GALNT13: variants seen among roughly 807,000 people sequenced by gnomAD.
The protein encoded by GALNT13 is UDP-GalNAc:polypeptide N-acetylgalactosaminyltransferase 13.
GALNT13 carries 28 observed loss-of-function variants against 64.2 expected under a neutral mutation model. That is an observed-to-expected ratio of 0.44 (90% CI 0.32 to 0.60). The LOEUF is 0.60. Among genes scored for constraint, GALNT13 ranks in the 20% least tolerant of loss-of-function variants. The pLI is 0.05. For missense variants in GALNT13, 577 were observed against 669.8 expected (o/e 0.86, Z 1.53); for synonymous variants, 214 against 224.6 (o/e 0.95, Z 0.42).
chr2:153,251,395 G>T, the GALNT13 span, among the ~76,000 whole-genome samples: 1 of 152,062 alleles, frequency 6.6e-6, no homozygotes, highest in Non-Finnish European at 1.5e-5. Flanking sequence ...TTGTCGTCTT[G>T]TTTTGATCCT....
chr2:154,372,099 A>T (rs1037558790), intron 9 of GALNT13, among the ~76,000 whole-genome samples: 1 of 152,118 alleles, frequency 6.6e-6, no homozygotes, highest in Non-Finnish European at 1.5e-5. Context: ...ATAGTACAGA[A>T]AGCTTTGAAG....
In GALNT13 at chr2:154,245,929, T is replaced by C. The variant is rs767003520; in HGVS notation, c.804T>C (p.Pro268=). 29 of 1,613,412 alleles carry C rather than the reference T, an allele frequency of 1.8e-5. No homozygotes were observed. The South Asian group carries it at 3.2e-4, about 18-fold the overall frequency. The change falls in exon 7 of 13, where the codon CCT becomes CCC. Residue 268 remains proline (P), a synonymous_variant. Coordinates refer to ENST00000392825, the MANE Select transcript of GALNT13 (RefSeq NM_052917.4). ...FNWKLNFRWY[P]VPQREMDRRK... ...GGAAACTGAATTTCCGCTGGTATCC[T>C]GTTCCCCAAAGAGAAATGGACAGGA...
chr2:153,893,086 T>G (rs1453184086), intron 1 of GALNT13, among the ~76,000 whole-genome samples: 1 of 152,072 alleles, frequency 6.6e-6, no homozygotes, highest in African/African-American at 2.4e-5. Flanking sequence ...GTACTCAAAA[T>G]AGCTGTCAGG....
intron 8 of GALNT13, among the ~76,000 whole-genome samples, chr2:154,276,223 G>T (rs1574001438): frequency 6.6e-6 from 1 of 151,124 alleles, no homozygotes. Context: ...TTTCTCTTTT[G>T]TTTTCTCTTT....
chr2:154,006,602 A>G (rs564353540), intron 3 of GALNT13, among the ~76,000 whole-genome samples: 19 of 152,338 alleles, frequency 1.2e-4, no homozygotes, highest in Middle Eastern at 3.4e-3. Context: ...GAGAACTACC[A>G]GAAAAACTGG....
At chr2:153,489,729 G>A in the GALNT13 span, among the ~76,000 whole-genome samples, 2 of 152,196 alleles carry the variant, frequency 1.3e-5, no homozygotes, top group African/African-American at 4.8e-5. Flanking sequence ...GGTAAGATCA[G>A]GTGTATACGA....
chr2:153,633,980 T>G, the GALNT13 span, among the ~76,000 whole-genome samples: 1 of 152,186 alleles, frequency 6.6e-6, no homozygotes, highest in African/African-American at 2.4e-5. Context: ...AAAAATCAAA[T>G]TAGCTACCTT....
chr2:154,008,869 G>C (rs1274379312), intron 3 of GALNT13, among the ~76,000 whole-genome samples: 1 of 152,094 alleles, frequency 6.6e-6, no homozygotes, highest in African/African-American at 2.4e-5. Context: ...TTGATTACAT[G>C]TATTTACTAT....
intron 3 of GALNT13, among the ~76,000 whole-genome samples, chr2:154,061,255 C>T (rs1700166642): frequency 6.6e-6 from 1 of 151,962 alleles, no homozygotes; most frequent in South Asian, 2.1e-4. Context: ...TCAGTTGAGG[C>T]GTTGGGCTGA....
At chr2:154,165,524 A>T (rs73005463) in intron 4 of GALNT13, among the ~76,000 whole-genome samples, 1 of 152,192 alleles carries the variant, frequency 6.6e-6, no homozygotes, top group Non-Finnish European at 1.5e-5. Context: ...TGGGAATTTA[A>T]TCATCTTAAG....
chr2:154,248,978 A>G (rs930619422), intron 7 of GALNT13, among the ~76,000 whole-genome samples: 2 of 152,176 alleles, frequency 1.3e-5, no homozygotes, highest in Admixed American at 6.6e-5. Flanking sequence ...CTTAGAGGCT[A>G]CTGCCTGGGA....
At chr2:153,830,803 T>TTAG in the GALNT13 span, among the ~76,000 whole-genome samples, 4 of 152,176 alleles carry the variant, frequency 2.6e-5, no homozygotes, top group African/African-American at 9.6e-5. Flanking sequence ...CTTTCAGAAT[T>TTAG]ATACATTATA....
chr2:153,322,614 T>C, the GALNT13 span, among the ~76,000 whole-genome samples: 2 of 152,108 alleles, frequency 1.3e-5, no homozygotes, highest in Non-Finnish European at 2.9e-5. Context: ...CAACCCGTTA[T>C]CTACATTAGG....
Position 153,944,382 on chromosome 2 carries a change from G to A in GALNT13, c.-104-12G>A. The A allele has an allele frequency of 1.2e-6, 1 of 858,014 alleles. No individual in the cohort carries two copies. The highest frequency in any genetic ancestry group is 1.8e-6 in the Non-Finnish European group (1 of 557,352). The allele number at this position is 858,014 out of a possible 1,614,324, so 53.2% of individuals were successfully genotyped here. On this transcript the variant is annotated splice_polypyrimidine_tract_variant and intron_variant, in intron 2 of 12. Coordinates refer to ENST00000392825, the MANE Select transcript of GALNT13 (RefSeq NM_052917.4). ...TACAATTAATGAAATTTTCTTCTTT[G>A]TTTTAATGCAGTGGAATGTATCCTG...
At chr2:153,369,429 TAAGA>T in the GALNT13 span, among the ~76,000 whole-genome samples, 2 of 109,238 alleles carry the variant, frequency 1.8e-5, no homozygotes, top group African/African-American at 7.8e-5. Flanking sequence ...TCTAAAAAAA[TAAGA>T]GAGAACACAT....
chr2:153,081,576 G>A, the GALNT13 span, among the ~76,000 whole-genome samples: 2 of 151,948 alleles, frequency 1.3e-5, no homozygotes, highest in African/African-American at 4.8e-5. Context: ...GAGTTCAAAG[G>A]TTCTGAGCTT....
At chr2:153,337,642 A>ATCAATT in the GALNT13 span, 2 of 152,224 alleles carry the variant, frequency 1.3e-5, no homozygotes, top group African/African-American at 4.8e-5. Context: ...AGGCATAGTG[A>ATCAATT]GATAATCAAT....
intron 3 of GALNT13, among the ~76,000 whole-genome samples, chr2:154,122,282 A>C (rs1311603894): frequency 6.6e-6 from 1 of 151,946 alleles, no homozygotes; most frequent in African/African-American, 2.4e-5. Context: ...ATCTAGGATA[A>C]AAAATAGCTT....
chr2:154,090,180 C>G (rs1477275130), intron 3 of GALNT13, among the ~76,000 whole-genome samples: 2 of 151,970 alleles, frequency 1.3e-5, no homozygotes. Context: ...GTGTGGAATA[C>G]TCCTTTGAAG....
Sources: gnomAD v4.1 joint callset for allele counts (sites outside exome capture counted in the v4.1 genomes callset) on GRCh38, gnomAD v4.1.1 for gene constraint, MANE v1.5 for transcripts, NCBI Gene and HGNC (gene_info 2026-07-23, HGNC 2026-07-21) for gene names.